The following KRT85 variants were observed in gnomAD, a reference collection of about 807,000 sequenced individuals.
KRT85 encodes keratin, type II cuticular Hb5.
KRT85 carries 39 observed loss-of-function variants against 53.7 expected under a neutral mutation model. The ratio of observed to expected loss-of-function variants is 0.73; its 90% CI spans 0.56 to 0.95. The LOEUF is 0.95. KRT85 is among the 40% of genes least tolerant of loss of function. The pLI is 0.00. For synonymous variants in KRT85, 291 were observed against 277.5 expected, an observed-to-expected ratio of 1.05 and a Z score of -0.48; for missense variants, 668 against 686.0, an observed-to-expected ratio of 0.97 and a Z score of 0.29.
rs779471419 is a variant in KRT85, at chr12:52,363,272, C to T, written c.925G>A (p.Glu309Lys). 1.6e-5 allele frequency: 26 copies of T among 1,614,070 alleles called. No homozygotes were observed. The highest frequency in any genetic ancestry group is 1.2e-4 in the South Asian group (11 of 91,082). The change falls in exon 5 of 9, where the codon GAG becomes AAG. Residue 309 changes from glutamate to lysine, a missense_variant. This residue lies in a region of KRT85 where 488 missense variants were observed against 498.1 expected (regional missense o/e 0.98). Coordinates refer to ENST00000257901, the MANE Select transcript of KRT85 (RefSeq NM_002283.4). ...YDDVASRSRA[E>K]AESWYRSKCE... ...TTGCTACGGTACCAGGACTCAGCCT[C>T]GGCCCGGCTGCGGCTGGCAACATCG... is the stretch of plus-strand genomic sequence containing the variant.
At position 52,362,351 on chromosome 12, in the gene KRT85, C is replaced by G; in HGVS notation, c.1198G>C (p.Ala400Pro). The G allele has an allele frequency of 6.2e-7, 1 of 1,614,224 alleles. No individual in the cohort carries two copies. Among genetic ancestry groups the G allele is most frequent in the Non-Finnish European group, 8.5e-7 (1 of 1,180,044 alleles). The change falls in exon 7 of 9, where the codon GCC becomes CCC. Residue 400 changes from alanine (A) to proline (P), a missense_variant. By Grantham distance (27) the Ala-to-Pro change is conservative. This residue lies in a region of KRT85 where 488 missense variants were observed against 498.1 expected (regional missense o/e 0.98). Transcript: ENST00000257901. The part of the protein sequence containing the change: ...GALQKAKQDM[A>P]CLLKEYQEVM... ...TCCTGGTACTCCTTGAGCAGGCAGG[C>G]CATGTCCTGCTTGGCCTTCTGCAGG...
chr12:52,365,377 C>G (rs561770420), intron 1 of KRT85, among the ~76,000 whole-genome samples: 3 of 152,204 alleles, frequency 2.0e-5, no homozygotes, highest in Non-Finnish European at 4.4e-5. Flanking sequence ...AGGTCTGTTT[C>G]GAGCCCCAGT....
chr12:52,361,666 A>G (rs1022503351), intron 7 of KRT85, among the ~76,000 whole-genome samples, 168 bp from the exon 8 acceptor site: 1 of 152,176 alleles, frequency 6.6e-6, no homozygotes, highest in Non-Finnish European at 1.5e-5. Context: ...GATGGTTTTA[A>G]CCATGAAGAC....
rs983560040 is a variant in KRT85, at chr12:52,364,946, A to T, written c.629+16T>A. ...CTCTGAGTTTCCCCTGAGTCCCCCC[A>T]GCTTGCTGCACTCACTTCTTCTTGT... is the stretch of plus-strand genomic sequence containing the variant. On this transcript the variant is annotated intron_variant, in intron 2 of 8. Transcript: ENST00000257901. 6.2e-7 allele frequency: 1 copy of T among 1,612,168 alleles called. No homozygotes were observed. Among genetic ancestry groups the T allele is most frequent in the Non-Finnish European group, 8.5e-7 (1 of 1,179,884 alleles).
intron 2 of KRT85, 153 bp from the exon 3 acceptor site, chr12:52,364,519 G>C: frequency 1.3e-6 from 2 of 1,509,604 alleles, no homozygotes; most frequent in South Asian, 2.6e-5. Context: ...TATTATTCAT[G>C]GGCCAGCCCT....
intron 6 of KRT85, 141 bp downstream of exon 6, chr12:52,362,712 TG>T: frequency 7.2e-7 from 1 of 1,382,040 alleles, no homozygotes; most frequent in Non-Finnish European, 1.0e-6. Flanking sequence ...GTCAGTGACA[TG>T]GTCTGATTGC....
In KRT85 at chr12:52,365,099, G is replaced by T. The variant is rs756643361; in HGVS notation, c.492C>A (p.Cys164Ter). 6.2e-7 allele frequency: 1 copy of T among 1,614,148 alleles called. No individual in the cohort carries two copies. Among genetic ancestry groups the T allele is most frequent in the Non-Finnish European group, 8.5e-7 (1 of 1,180,042 alleles). Reference protein sequence around the residue: ...KWQFYQNQRCCESNLEPLFSG... With the variant: ...KWQFYQNQRC ...TGAACAGTGGCTCCAGGTTGCTCTC[G>T]CAGCAGCGCTGGTTCTGGTAGAACT... Residue 164 changes from cysteine (C) to a stop codon, truncating the protein, a stop_gained, in exon 2 of 9, where the codon TGC becomes TGA. Transcript: ENST00000257901. LOFTEE classifies it high-confidence loss of function.
Position 52,364,352 on chromosome 12 carries a change from AC to A in KRT85, c.643del (p.Val215TrpfsTer3). On this transcript the variant is annotated frameshift_variant, in exon 3 of 9. Transcript: ENST00000257901. LOFTEE classifies it high-confidence loss of function. ...EGYKKKYEEE[V>X]ALRATAENEF... ...ATTCTCTGCTGTGGCTCTCAGGGCC[AC>A]CTCCTCTTCATACCTGGGTGTGGGA... The A allele has an allele frequency of 8.7e-6, 14 of 1,613,676 alleles. No individual in the cohort carries two copies. The highest frequency in any genetic ancestry group is 1.2e-5 in the Non-Finnish European group (14 of 1,179,956).
rs771483895 is a variant in KRT85, at chr12:52,364,956, A to C, written c.629+6T>G. On this transcript the variant is annotated splice_donor_region_variant and intron_variant, in intron 2 of 8. Coordinates refer to ENST00000257901, the MANE Select transcript of KRT85 (RefSeq NM_002283.4). ...CCCCTGAGTCCCCCCAGCTTGCTGC[A>C]CTCACTTCTTCTTGTAGCCCTCCAG... The C allele has an allele frequency of 1.2e-6, 2 of 1,612,324 alleles. No homozygotes were observed. Among genetic ancestry groups the C allele is most frequent in the East Asian group, 2.2e-5 (1 of 44,872 alleles).
chr12:52,364,109 G>T lies in KRT85; in HGVS notation c.745C>A (p.Leu249Met). 1.9e-6 allele frequency: 3 copies of T among 1,614,112 alleles called. No individual in the cohort carries two copies. The highest frequency in any genetic ancestry group is 2.2e-5 in the South Asian group (2 of 91,076). Residue 249 changes from leucine (L) to methionine (M), a missense_variant, in exon 4 of 9, where the codon CTG (leucine) becomes ATG (methionine). Transcript: ENST00000257901. Reference sequence around the variant, plus strand: ...CTCAGGAAGCTAGACTCCTCCACCAGGGCCTCCACATTGGCCTCCAGGTCT... The same window carrying T: ...CTCAGGAAGCTAGACTCCTCCACCATGGCCTCCACATTGGCCTCCAGGTCT... ...KSDLEANVEA[L>M]VEESSFLRRL...
In KRT85 at chr12:52,367,314, C is replaced by T. The variant is rs1471973724; in HGVS notation, c.92G>A (p.Arg31His). ...CSAVAPKTGN[R>H]CCISAAPYRG... The stretch of plus-strand genomic sequence containing the variant: ...GTAGGGGGCGGCGCTGATGCAGCAG[C>T]GGTTGCCAGTTTTGGGGGCCACAGC... The change falls in exon 1 of 9, where the codon CGC becomes CAC. Residue 31 changes from arginine to histidine, a missense_variant. Transcript: ENST00000257901. 4.3e-6 allele frequency: 7 copies of T among 1,613,760 alleles called. No individual in the cohort carries two copies. The highest frequency in any genetic ancestry group is 2.2e-5 in the East Asian group (1 of 44,876).
Position 52,364,125 on chromosome 12 carries a change from CT to C in KRT85, c.728del (p.Glu243GlyfsTer14). On this transcript the variant is annotated frameshift_variant, in exon 4 of 9. Transcript: ENST00000257901. LOFTEE classifies it high-confidence loss of function. ...DCAYLRKSDL[E>X]ANVEALVEES... ...CCTCCACCAGGGCCTCCACATTGGC[CT>C]CCAGGTCTGATTTCCGCAGGTAGGC... 10 of 1,614,202 alleles carry C rather than the reference CT, an allele frequency of 6.2e-6. No individual in the cohort carries two copies. The highest frequency in any genetic ancestry group is 8.5e-6 in the Non-Finnish European group (10 of 1,180,040).
chr12:52,362,815 C>T (rs1331493632), intron 6 of KRT85, 39 bp downstream of exon 6: 1 of 1,614,126 alleles, frequency 6.2e-7, no homozygotes. Flanking sequence ...GTGCTGCAGC[C>T]TGCCTGTGCT....
intron 7 of KRT85, among the ~76,000 whole-genome samples, chr12:52,361,833 G>T (rs1224351998): frequency 9.2e-6 from 1 of 108,456 alleles, no homozygotes; most frequent in Admixed American, 8.6e-5. Flanking sequence ...TTGATGAAGA[G>T]CTAAATGCAT....
chr12:52,364,927 G>A (rs973241310), intron 2 of KRT85, 35 bp downstream of exon 2: 4 of 1,612,110 alleles, frequency 2.5e-6, no homozygotes, highest in Non-Finnish European at 3.4e-6. Flanking sequence ...TTCTCTCTGA[G>A]TTTCCCCTGA....
rs770105838 is a variant in KRT85, at chr12:52,367,187, G to C, written c.219C>G (p.Ala73=). 3.7e-6 allele frequency: 6 copies of C among 1,613,798 alleles called. No individual in the cohort carries two copies. The East Asian group carries it at 1.1e-4, about 30-fold the overall frequency. The change falls in exon 1 of 9, where the codon GCC becomes GCG. Residue 73 remains alanine (A), a synonymous_variant. Coordinates refer to ENST00000257901, the MANE Select transcript of KRT85 (RefSeq NM_002283.4). ...AGCCGAAGCTGCGTCCGCAGGAGCC[G>C]GCTCGGAAGCCACCTACAGCTATCC... ...GPRIAVGGFR[A]GSCGRSFGYR... is the part of the protein sequence containing the mutation.
intron 1 of KRT85, among the ~76,000 whole-genome samples, chr12:52,366,247 G>T (rs1448713260): frequency 1.3e-5 from 2 of 152,252 alleles, no homozygotes; most frequent in Non-Finnish European, 2.9e-5. Flanking sequence ...TGGGTTGGCT[G>T]TCACACCTCC....
At position 52,360,949 on chromosome 12, in the gene KRT85, G is replaced by C. The variant is rs772518351; in HGVS notation, c.1428C>G (p.Gly476=). Residue 476 remains glycine (G), a synonymous_variant, in exon 9 of 9, where the codon GGC becomes GGG. Transcript: ENST00000257901. ...QITSGPSAIG[G]SITVVAPDSC... ...AGTCAGGGGCCACCACCGTGATGCT[G>C]CCGCCTATGGCTGAGGGGCCAGAAG... 41 of 1,613,272 alleles carry C rather than the reference G, an allele frequency of 2.5e-5. No individual in the cohort carries two copies. The highest frequency in any genetic ancestry group is 3.2e-5 in the Non-Finnish European group (38 of 1,179,968).
chr12:52,364,567 C>T, intron 2 of KRT85: 1 of 1,459,130 alleles, frequency 6.9e-7, no homozygotes, highest in Non-Finnish European at 9.0e-7. Context: ...AGTCCTTCTG[C>T]CTCTGAGATG....
Sources: allele counts gnomAD v4.1 joint callset (sites outside exome capture counted in the v4.1 genomes callset), GRCh38; gene constraint gnomAD v4.1.1; regional missense constraint gnomAD v4.1.1; transcripts MANE v1.5; gene names NCBI Gene and HGNC (gene_info 2026-07-23, HGNC 2026-07-21).